RASGEF1C: variants seen among roughly 807,000 people sequenced by gnomAD.
RASGEF1C encodes ras-GEF domain-containing family member 1C.
A neutral mutation model predicts 58.1 loss-of-function variants in RASGEF1C; 27 were observed. That is an observed-to-expected ratio of 0.46 (90% CI 0.34 to 0.64). The LOEUF (loss-of-function observed/expected upper bound fraction) is 0.64. Among genes scored for constraint, RASGEF1C ranks in the 30% least tolerant of loss-of-function variants. RASGEF1C has a pLI of 0.01. For missense variants in RASGEF1C, 502 were observed against 605.1 expected (o/e 0.83, Z 1.79); for synonymous variants, 243 against 246.3 (o/e 0.99, Z 0.13).
At chr5:180,208,336 CTTTCCCACAG>C (rs1561762329) in intron 1 of RASGEF1C, among the ~76,000 whole-genome samples, 1 of 152,178 alleles carries the variant, frequency 6.6e-6, no homozygotes, top group East Asian at 1.9e-4. Flanking sequence ...CCAGCTCTGT[CTTTCCCACAG>C]TTTCCCACGC....
At chr5:180,141,300 A>C (rs6878491) in intron 1 of RASGEF1C, among the ~76,000 whole-genome samples, 142,201 of 152,280 alleles carry the variant, frequency 0.93, 67,207 homozygotes, top group East Asian at 1. Context: ...TTTTAAAAAG[A>C]AATGAGGCAG....
At chr5:180,121,031 G>A in intron 7 of RASGEF1C, 29 bp downstream of exon 7, 2 of 1,563,840 alleles carry the variant, frequency 1.3e-6, no homozygotes, top group Non-Finnish European at 1.8e-6. Flanking sequence ...GGCTATGCCA[G>A]GTGGTGCCCA....
chr5:180,111,112 C>A (rs963898155), intron 12 of RASGEF1C, among the ~76,000 whole-genome samples: 2 of 152,166 alleles, frequency 1.3e-5, no homozygotes. Context: ...CTGTGCCTGG[C>A]GAGGGTGATT....
intron 1 of RASGEF1C, among the ~76,000 whole-genome samples, chr5:180,142,277 C>T (rs1766591223): frequency 6.6e-6 from 1 of 152,132 alleles, no homozygotes; most frequent in South Asian, 2.1e-4. Context: ...CCGCTTCCTA[C>T]CCATGAAATG....
chr5:180,146,386 A>G (rs1047726190), intron 1 of RASGEF1C, among the ~76,000 whole-genome samples: 1 of 152,146 alleles, frequency 6.6e-6, no homozygotes, highest in Admixed American at 6.5e-5. Flanking sequence ...CCTGAGCTCA[A>G]GTGATCCGTT....
intron 1 of RASGEF1C, among the ~76,000 whole-genome samples, chr5:180,185,115 A>AC (rs1387835638): frequency 6.6e-6 from 1 of 151,796 alleles, no homozygotes; most frequent in East Asian, 1.9e-4. Context: ...ACACGGTGAA[A>AC]CCCCATCTCT....
At chr5:180,183,615 G>A (rs186432384) in intron 1 of RASGEF1C, among the ~76,000 whole-genome samples, 3 of 151,916 alleles carry the variant, frequency 2.0e-5, no homozygotes, top group Non-Finnish European at 4.4e-5. Flanking sequence ...ACCTGAGGTC[G>A]GGAGTACAAG....
intron 1 of RASGEF1C, among the ~76,000 whole-genome samples, chr5:180,180,007 G>A (rs572145235): frequency 4.6e-5 from 7 of 152,224 alleles, no homozygotes; most frequent in Non-Finnish European, 8.8e-5. Context: ...CAGAGAGAAG[G>A]TGGAGTGCAG....
At chr5:180,130,872 C>G (rs528412995) in intron 4 of RASGEF1C, among the ~76,000 whole-genome samples, 2 of 152,234 alleles carry the variant, frequency 1.3e-5, no homozygotes, top group East Asian at 3.9e-4. Flanking sequence ...CTCTGTTTGC[C>G]CAGCACAGCA....
intron 1 of RASGEF1C, among the ~76,000 whole-genome samples, chr5:180,152,487 C>G (rs1184965032): frequency 6.8e-6 from 1 of 146,584 alleles, no homozygotes; most frequent in African/African-American, 2.5e-5. Flanking sequence ...ACTGCATGTT[C>G]TCACTCATAG....
Position 180,101,356 on chromosome 5 carries a change from G to A in RASGEF1C, c.*145C>T. On this transcript the variant is annotated 3_prime_UTR_variant, in exon 14 of 14. Coordinates refer to ENST00000361132, the MANE Select transcript of RASGEF1C (RefSeq NM_175062.4). ...CTGTGCCCGTATGGCCACTGTGGGG[G>A]GGGGGGGGGCGGGCAGCAGGCCACA... 4 of 888,964 alleles carry A rather than the reference G, an allele frequency of 4.5e-6. No individual in the cohort carries two copies. Among genetic ancestry groups the A allele is most frequent in the East Asian group, 2.6e-5 (1 of 37,756 alleles). The allele number at this position is 888,964 out of a possible 1,614,324, so 55.1% of individuals were successfully genotyped here.
intron 1 of RASGEF1C, among the ~76,000 whole-genome samples, chr5:180,154,818 T>G (rs1432454341): frequency 6.6e-6 from 1 of 152,034 alleles, no homozygotes; most frequent in African/African-American, 2.4e-5. Flanking sequence ...CCCGACCTCG[T>G]GATCCACCCG....
chr5:180,137,692 G>A lies in RASGEF1C; in HGVS notation c.198C>T (p.Phe66=), dbSNP rs1226476978. The A allele has an allele frequency of 2.5e-6, 4 of 1,613,052 alleles. 1 individual carries two copies. Among genetic ancestry groups the A allele is most frequent in the Non-Finnish European group, 3.4e-6 (4 of 1,180,012 alleles). ...YYPEKAYIFT[F]LLSSRLFIEP... ...CGATGAAGAGGCGAGAGCTCAGCAG[G>A]AAGGTGAAGATGTAGGCTTTCTGGG... The change falls in exon 3 of 14, where the codon TTC becomes TTT. Residue 66 remains phenylalanine (F), a synonymous_variant. Coordinates refer to ENST00000361132, the MANE Select transcript of RASGEF1C (RefSeq NM_175062.4). This position sits in a 1 kb window ranked among gnomAD's most constrained non-coding sequence, Gnocchi z 4.1.
chr5:180,101,533 T>C lies in RASGEF1C; in HGVS notation c.1377-8A>G, dbSNP rs763336173. The C allele has an allele frequency of 6.2e-7, 1 of 1,612,294 alleles. No individual in the cohort carries two copies. The highest frequency in any genetic ancestry group is 1.1e-5 in the South Asian group (1 of 91,006). Reference sequence around the variant, plus strand: ...TTCCCCAAAATAGAAGATCTGCAGATTTAAGCATGTCGGGAGCGGTGAGAG... The same window carrying C: ...TTCCCCAAAATAGAAGATCTGCAGACTTAAGCATGTCGGGAGCGGTGAGAG... On this transcript the variant is annotated splice_region_variant and splice_polypyrimidine_tract_variant and intron_variant, in intron 13 of 13. Transcript: ENST00000361132.
chr5:180,136,649 G>A (rs554240743), intron 3 of RASGEF1C, 134 bp from the exon 4 acceptor site: 2 of 960,884 alleles, frequency 2.1e-6, no homozygotes, highest in Non-Finnish European at 3.0e-6. Context: ...GGAGGAGGAG[G>A]GGGGTGCGAT....
chr5:180,156,739 TCCAGC>T lies in RASGEF1C; in HGVS notation c.-6-18686_-6-18682del, dbSNP rs972381493. 7.9e-5 allele frequency among the ~76,000 whole-genome samples: 12 copies of T among 151,666 alleles called. No homozygotes were observed. Among genetic ancestry groups the T allele is most frequent in the South Asian group, 2.1e-4 (1 of 4,772 alleles). ...GTAAGCCGAGATCGTACCACTGCACTCCAGCCTGGGCAACCAGAGTGAGACCCTGT... is the reference window on the plus strand; with the variant it reads ...GTAAGCCGAGATCGTACCACTGCACTCTGGGCAACCAGAGTGAGACCCTGT... On this transcript the variant is annotated intron_variant, in intron 1 of 13. Coordinates refer to ENST00000361132, the MANE Select transcript of RASGEF1C (RefSeq NM_175062.4). This position sits in a 1 kb window ranked among gnomAD's most constrained non-coding sequence, Gnocchi z 4.9.
intron 1 of RASGEF1C, among the ~76,000 whole-genome samples, chr5:180,161,450 G>C (rs78079730): frequency 0.39 from 58,740 of 152,270 alleles, 13,460 homozygotes; most frequent in Non-Finnish European, 0.52. Flanking sequence ...CGGCAGCCAG[G>C]GGGGAACTGC....
At chr5:180,193,035 C>T (rs1220740153) in intron 1 of RASGEF1C, among the ~76,000 whole-genome samples, 4 of 116,262 alleles carry the variant, frequency 3.4e-5, no homozygotes, top group African/African-American at 1.1e-4. Context: ...CGTGAGCCAT[C>T]GCGCCCGGCC....
At chr5:180,187,510 A>C (rs1756062477) in intron 1 of RASGEF1C, among the ~76,000 whole-genome samples, 1 of 152,202 alleles carries the variant, frequency 6.6e-6, no homozygotes, top group Non-Finnish European at 1.5e-5. Flanking sequence ...AAAAGGAGAA[A>C]GACTTGTACA....
Sources: allele counts gnomAD v4.1 joint callset (sites outside exome capture counted in the v4.1 genomes callset), GRCh38; gene constraint gnomAD v4.1.1; non-coding constraint Gnocchi (gnomAD v3.1); transcripts MANE v1.5; gene names NCBI Gene and HGNC (gene_info 2026-07-23, HGNC 2026-07-21).